The following PXDNL variants were observed in gnomAD, a reference collection of about 807,000 sequenced individuals.
PXDNL encodes the protein peroxidasin like, also known as probable oxidoreductase PXDNL.
Under a neutral mutation model 150.8 loss-of-function variants are expected in PXDNL, and 145 were observed. The ratio of observed to expected loss-of-function variants is 0.96; its 90% CI spans 0.84 to 1.10. The LOEUF (loss-of-function observed/expected upper bound fraction) is 1.10, where lower values mean the gene tolerates loss of function less well. PXDNL is among the 50% of genes least tolerant of loss of function. PXDNL has a pLI of 0.00. For missense variants in PXDNL, 2,087 were observed against 1,873.9 expected, an observed-to-expected ratio of 1.11 and a Z score of -2.10; for synonymous variants, 757 against 725.7, an observed-to-expected ratio of 1.04 and a Z score of -0.69.
chr8:51,671,130 G>A (rs1406954157), intron 1 of PXDNL, among the ~76,000 whole-genome samples: 3 of 152,274 alleles, frequency 2.0e-5, no homozygotes, highest in East Asian at 1.9e-4. Flanking sequence ...GAATTTTGCT[G>A]TATATTCTTA....
chr8:51,601,395 G>A (rs1364289913), intron 2 of PXDNL, among the ~76,000 whole-genome samples: 1 of 151,890 alleles, frequency 6.6e-6, no homozygotes, highest in African/African-American at 2.4e-5. Flanking sequence ...TATAAGTCTG[G>A]GTGCTCCATT....
intron 1 of PXDNL, among the ~76,000 whole-genome samples, chr8:51,762,358 C>G (rs563899959): frequency 1.3e-5 from 2 of 152,176 alleles, no homozygotes; most frequent in Admixed American, 1.3e-4. Flanking sequence ...TCCCCTTCCC[C>G]CTTTGTATTC....
At chr8:51,600,229 T>C (rs1454296514) in intron 2 of PXDNL, among the ~76,000 whole-genome samples, 1 of 138,366 alleles carries the variant, frequency 7.2e-6, no homozygotes, top group Non-Finnish European at 1.5e-5. Flanking sequence ...ATATAAATTA[T>C]ATCGTTTAGA....
chr8:51,739,792 C>T (rs994182390), intron 1 of PXDNL, among the ~76,000 whole-genome samples: 2 of 149,672 alleles, frequency 1.3e-5, no homozygotes, highest in African/African-American at 4.9e-5. Context: ...AGGAGAATGG[C>T]GTGAACCCAG....
intron 2 of PXDNL, among the ~76,000 whole-genome samples, chr8:51,602,505 T>C (rs746402122): frequency 2.0e-5 from 3 of 152,020 alleles, no homozygotes; most frequent in Admixed American, 6.6e-5. Context: ...TTTTTCTTCA[T>C]GCATATTTCT....
chr8:51,714,679 G>A (rs1816572307), intron 1 of PXDNL, among the ~76,000 whole-genome samples: 1 of 152,064 alleles, frequency 6.6e-6, no homozygotes. Flanking sequence ...AAAAATAAAT[G>A]ACAAGAGGGG....
intron 4 of PXDNL, among the ~76,000 whole-genome samples, chr8:51,504,206 T>C (rs1811241125): frequency 6.6e-6 from 1 of 152,170 alleles, no homozygotes; most frequent in Non-Finnish European, 1.5e-5. Context: ...AAGAACAAAC[T>C]GGTCTGCCTA....
chr8:51,339,925 G>T, intron 20 of PXDNL, 172 bp from the exon 21 acceptor site: 1 of 535,390 alleles, frequency 1.9e-6, no homozygotes. Flanking sequence ...AAAATTAAAT[G>T]GCAGATAAGA....
At chr8:51,699,970 A>G (rs1393267605) in intron 1 of PXDNL, among the ~76,000 whole-genome samples, 1 of 152,188 alleles carries the variant, frequency 6.6e-6, no homozygotes, top group African/African-American at 2.4e-5. Flanking sequence ...GACAAATATG[A>G]TAATAATGAA....
At chr8:51,788,382 A>G (rs2037479618) in intron 1 of PXDNL, among the ~76,000 whole-genome samples, 1 of 152,230 alleles carries the variant, frequency 6.6e-6, no homozygotes, top group African/African-American at 2.4e-5. Context: ...CTGTTGGGAA[A>G]GTGGTGGGGG....
Position 51,508,301 on chromosome 8 carries a change from G to A in PXDNL, c.381-8531C>T, listed in dbSNP as rs192683313. ...TAAAAGGCAAAGTCAACTGTGAAATGTAAGAGAAATGTAGAAAAGAAAAAC... is the reference window on the plus strand; with the variant it reads ...TAAAAGGCAAAGTCAACTGTGAAATATAAGAGAAATGTAGAAAAGAAAAAC... On this transcript the variant is annotated intron_variant, in intron 4 of 22. Transcript: ENST00000356297. Among the ~76,000 whole-genome samples, 6 of 152,338 alleles carry A rather than the reference G, an allele frequency of 3.9e-5. No homozygotes were observed. The East Asian group carries it at 1.2e-3, about 29-fold the overall frequency.
At chr8:51,478,180 A>C (rs1810524659) in intron 6 of PXDNL, among the ~76,000 whole-genome samples, 1 of 152,198 alleles carries the variant, frequency 6.6e-6, no homozygotes, top group Admixed American at 6.5e-5. Flanking sequence ...ATCAATAAGA[A>C]AGATGGTTCT....
intron 1 of PXDNL, among the ~76,000 whole-genome samples, chr8:51,807,794 T>C (rs2037693345): frequency 6.6e-6 from 1 of 152,162 alleles, no homozygotes; most frequent in South Asian, 2.1e-4. Context: ...AAAATTTAGG[T>C]CGAGTTGTAC....
chr8:51,692,155 T>G (rs934054116), intron 1 of PXDNL, among the ~76,000 whole-genome samples: 1 of 152,186 alleles, frequency 6.6e-6, no homozygotes, highest in Non-Finnish European at 1.5e-5. Context: ...AGACTTTTTA[T>G]TATTCAATTC....
intron 11 of PXDNL, 89 bp downstream of exon 11, chr8:51,448,912 CT>C: frequency 1.4e-6 from 1 of 738,792 alleles, no homozygotes; most frequent in Non-Finnish European, 2.5e-6. Context: ...CATGATACAC[CT>C]TCGATAATTA....
chr8:51,448,227 G>A (rs1043296500), intron 11 of PXDNL, among the ~76,000 whole-genome samples: 1 of 152,224 alleles, frequency 6.6e-6, no homozygotes, highest in African/African-American at 2.4e-5. Flanking sequence ...CAGATTCCCT[G>A]TAAGTGTCTG....
intron 1 of PXDNL, among the ~76,000 whole-genome samples, chr8:51,691,530 G>A (rs1815998183): frequency 6.6e-6 from 1 of 150,486 alleles, no homozygotes; most frequent in African/African-American, 2.4e-5. Flanking sequence ...ATTAACTAGA[G>A]ACAAACATTT....
At chr8:51,602,160 T>G (rs1239275944) in intron 2 of PXDNL, among the ~76,000 whole-genome samples, 2 of 151,938 alleles carry the variant, frequency 1.3e-5, no homozygotes, top group Non-Finnish European at 2.9e-5. Context: ...TACGCCTTGG[T>G]GATGTTTGTT....
At chr8:51,405,240 G>A (rs768501567) in intron 17 of PXDNL, among the ~76,000 whole-genome samples, 2 of 152,222 alleles carry the variant, frequency 1.3e-5, no homozygotes, top group African/African-American at 2.4e-5. Flanking sequence ...TGCAACCGCG[G>A]GGTGAAGGGC....
Sources: allele counts gnomAD v4.1 joint callset (sites outside exome capture counted in the v4.1 genomes callset), GRCh38; gene constraint gnomAD v4.1.1; transcripts MANE v1.5; gene names NCBI Gene and HGNC (gene_info 2026-07-23, HGNC 2026-07-21).